Variants in PRDM7 observed in about 807,000 individuals in gnomAD.
PRDM7 encodes the protein PR/SET domain 7, also known as histone-lysine N-methyltransferase PRDM7.
Under a neutral mutation model 64.3 loss-of-function variants are expected in PRDM7, and 52 were observed. The observed-to-expected ratio is 0.81, with a 90% CI of 0.65 to 1.02. The LOEUF is 1.02. Among genes scored for constraint, PRDM7 ranks in the 50% least tolerant of loss-of-function variants. PRDM7 has a pLI of 0.00. For missense variants in PRDM7, 574 were observed against 597.1 expected, an observed-to-expected ratio of 0.96 and a Z score of 0.40; for synonymous variants, 192 against 210.1, an observed-to-expected ratio of 0.91 and a Z score of 0.74.
At chr16:90,061,861 A>T in intron 8 of PRDM7, 60 bp downstream of exon 8, 1 of 1,606,714 alleles carries the variant, frequency 6.2e-7, no homozygotes, top group Non-Finnish European at 8.5e-7. Flanking sequence ...GTGATGTCCC[A>T]TCAAAGGCAC....
chr16:90,065,065 A>G (rs1027180454), intron 5 of PRDM7, among the ~76,000 whole-genome samples: 3 of 150,914 alleles, frequency 2.0e-5, no homozygotes, highest in African/African-American at 4.9e-5. Context: ...AATGTTCACC[A>G]AAGTGTTTTT....
At chr16:90,076,866 G>A (rs1567491309) in intron 1 of PRDM7, among the ~76,000 whole-genome samples, 2 of 152,074 alleles carry the variant, frequency 1.3e-5, no homozygotes, top group East Asian at 1.9e-4. Context: ...TGAAGCTGAC[G>A]GGGTTGAGTT....
chr16:90,071,132 GTGTT>G (rs1276840866), intron 4 of PRDM7, among the ~76,000 whole-genome samples: 3 of 152,080 alleles, frequency 2.0e-5, no homozygotes, highest in Non-Finnish European at 4.4e-5. Flanking sequence ...GGAAATTTAT[GTGTT>G]TGTTTGTTTT....
At position 90,064,724 on chromosome 16, in the gene PRDM7, CT is replaced by C. The variant is rs200484353; in HGVS notation, c.352-957del. ...CCCCCGCACCCAGCCCATGCTAATTCTTTTTTTTTTTTGAGAGGGAGTCTCA... is the reference window on the plus strand; with the variant it reads ...CCCCCGCACCCAGCCCATGCTAATTCTTTTTTTTTTTGAGAGGGAGTCTCA... On this transcript the variant is annotated intron_variant, in intron 5 of 10. Coordinates refer to ENST00000449207, the MANE Select transcript of PRDM7 (RefSeq NM_001098173.2). Among the ~76,000 whole-genome samples the C allele has an allele frequency of 1.2e-3, 164 of 134,202 alleles. 1 individual carries two copies. Among genetic ancestry groups the C allele is most frequent in the Admixed American group, 1.3e-3 (17 of 13,402 alleles). The allele number at this position is 134,202 out of a possible 152,430, so 88.0% of individuals were successfully genotyped here. A position where few individuals can be genotyped will look rare whatever the true frequency, so the allele number is the denominator to read the frequency against.
intron 1 of PRDM7, 100 bp from the exon 2 acceptor site, chr16:90,076,095 G>A: frequency 1.4e-6 from 1 of 695,014 alleles, no homozygotes; most frequent in Non-Finnish European, 2.4e-6. Context: ...AGAGCAGGAA[G>A]ACTGGGTTCC....
At chr16:90,074,068 G>A (rs527761451) in intron 4 of PRDM7, among the ~76,000 whole-genome samples, 1 of 151,816 alleles carries the variant, frequency 6.6e-6, no homozygotes, top group South Asian at 2.1e-4. Flanking sequence ...TTACAGGTGT[G>A]AGCCACCATG....
Position 90,060,518 on chromosome 16 carries a change from T to C in PRDM7, c.1056A>G (p.Glu352=), listed in dbSNP as rs2037756667. ...ACTCATCCCCAGACCAGACCAGCAG[T>C]TCACAGCCTGGCCTAATGACTCGGC... ...RTCRVIRPGC[E]LLVWSGDEYG... is the part of the protein sequence containing the mutation. The change falls in exon 10 of 11, where the codon GAA becomes GAG. Residue 352 remains glutamate (E), a synonymous_variant. Transcript: ENST00000449207. The C allele has an allele frequency of 6.2e-7, 1 of 1,613,694 alleles. No homozygotes were observed. The highest frequency in any genetic ancestry group is 1.3e-5 in the African/African-American group (1 of 74,836).
At chr16:90,074,340 G>A (rs2038004594) in intron 4 of PRDM7, among the ~76,000 whole-genome samples, 1 of 151,570 alleles carries the variant, frequency 6.6e-6, no homozygotes, top group Non-Finnish European at 1.5e-5. Context: ...ATTTTGGGAG[G>A]CCAAGGCAGG....
rs775074021 is a variant in PRDM7 at position 90,058,332 on chromosome 16, G to T, written c.1436C>A (p.Thr479Lys). The T allele has an allele frequency of 1.9e-5, 30 of 1,614,016 alleles. No homozygotes were observed. The highest frequency in any genetic ancestry group is 2.5e-5 in the Non-Finnish European group (30 of 1,180,024). ...GNILIHAAVM[T>K]KPKVKRSKKG... is the part of the protein sequence containing the mutation. ...CTTTGATCTCTTGACCTTTGGTTTT[G>T]TCATTACAGCAGCGTGGATCAGAAT... Residue 479 changes from threonine to lysine, a missense_variant, in exon 11 of 11, where the codon ACA (threonine) becomes AAA (lysine). Thr to Lys is a moderately conservative substitution (Grantham distance 78). Coordinates refer to ENST00000449207, the MANE Select transcript of PRDM7 (RefSeq NM_001098173.2).
rs1161290636 is a variant in PRDM7 at position 90,058,310 on chromosome 16, T to C, written c.1458A>G (p.Ser486=). ...TTATTCAAGAGTTTGGACCTTTCTT[T>C]GATCTCTTGACCTTTGGTTTTGTCA... ...AVMTKPKVKR[S]KKGPNS is the part of the protein sequence containing the mutation. The change falls in exon 11 of 11, where the codon TCA becomes TCG. Residue 486 remains serine, a synonymous_variant. Coordinates refer to ENST00000449207, the MANE Select transcript of PRDM7 (RefSeq NM_001098173.2). 1 of 1,614,232 alleles carries C rather than the reference T, an allele frequency of 6.2e-7. No homozygotes were observed.
At chr16:90,070,105 A>C (rs1191554455) in intron 4 of PRDM7, 1 of 152,660 alleles carries the variant, frequency 6.6e-6, no homozygotes, top group African/African-American at 2.5e-5. Flanking sequence ...AATATCCAGA[A>C]TATATGAAGA....
At position 90,062,447 on chromosome 16, in the gene PRDM7, A is replaced by G. The variant is rs1346351169; in HGVS notation, c.564T>C (p.Gly188=). 2 of 1,613,912 alleles carry G rather than the reference A, an allele frequency of 1.2e-6. No individual in the cohort carries two copies. Among genetic ancestry groups the G allele is most frequent in the Admixed American group, 3.3e-5 (2 of 59,998 alleles). ...GCTCGCTGATCTCTTTGTATGCATG[A>G]CCCTTTCTTTCTCGCAGGCTATACA... ...GKMYSLRERK[G]HAYKEISEPQ... is the part of the protein sequence containing the mutation. The change falls in exon 7 of 11, where the codon GGT becomes GGC. Residue 188 remains glycine, a synonymous_variant. Coordinates refer to ENST00000449207, the MANE Select transcript of PRDM7 (RefSeq NM_001098173.2).
At chr16:90,076,093 A>AACCC in intron 1 of PRDM7, 98 bp from the exon 2 acceptor site, 1 of 699,524 alleles carries the variant, frequency 1.4e-6, no homozygotes. Flanking sequence ...TCAGAGCAGG[A>AACCC]AGACTGGGTT....
intron 4 of PRDM7, among the ~76,000 whole-genome samples, chr16:90,072,406 GA>G (rs1218047233): frequency 1.4e-4 from 21 of 152,150 alleles, no homozygotes; most frequent in African/African-American, 4.8e-4. Context: ...CCTTAAAAAA[GA>G]AGAAAATCTT....
At position 90,066,863 on chromosome 16, in the gene PRDM7, T is replaced by G; in HGVS notation, c.349A>C (p.Lys117Gln). Residue 117 changes from lysine (K) to glutamine (Q), a missense_variant and splice_region_variant, in exon 5 of 11, where the codon AAG becomes CAG. Transcript: ENST00000449207. The part of the protein sequence containing the change: ...AFRGEQSKHQ[K>Q]GMPKASFNNE... ...AACAGGATTTGGGAGATACTTACCT[T>G]CTGGTGTTTACTCTGTTCTCCTCTG... The G allele has an allele frequency of 6.3e-7, 1 of 1,589,568 alleles. No individual in the cohort carries two copies. The highest frequency in any genetic ancestry group is 1.7e-5 in the Admixed American group (1 of 59,786).
At chr16:90,065,409 A>G (rs2037857196) in intron 5 of PRDM7, among the ~76,000 whole-genome samples, 1 of 148,194 alleles carries the variant, frequency 6.7e-6, no homozygotes, top group Non-Finnish European at 1.5e-5. Flanking sequence ...AAAAAAAAAA[A>G]AAGAAAGAAA....
intron 5 of PRDM7, 25 bp from the exon 6 acceptor site, chr16:90,063,793 A>T: frequency 6.2e-7 from 1 of 1,612,850 alleles, no homozygotes; most frequent in South Asian, 1.1e-5. Flanking sequence ...TCACATATTA[A>T]AAGACAACGT....
chr16:90,057,916 GC>G lies in PRDM7; in HGVS notation c.*372del, dbSNP rs1395843516. 1.7e-5 allele frequency: 26 copies of G among 1,572,098 alleles called. No individual in the cohort carries two copies. In the Admixed American group the frequency reaches 4.1e-4, roughly 25 times the overall value. On this transcript the variant is annotated 3_prime_UTR_variant, in exon 11 of 11. Coordinates refer to ENST00000449207, the MANE Select transcript of PRDM7 (RefSeq NM_001098173.2). ...TGAGGAGGACTGACTTCCGGCTAAA[GC>G]CCCGCTCACACTCTCTGCAGACATA...
chr16:90,063,525 C>A (rs2037817976), intron 6 of PRDM7, 87 bp downstream of exon 6: 1 of 1,485,852 alleles, frequency 6.7e-7, no homozygotes, highest in Non-Finnish European at 9.3e-7. Context: ...CAGGCCTATC[C>A]AAAGTCCACC....
Sources: gnomAD v4.1 joint callset for allele counts (sites outside exome capture counted in the v4.1 genomes callset) on GRCh38, gnomAD v4.1.1 for gene constraint, MANE v1.5 for transcripts, NCBI Gene and HGNC (gene_info 2026-07-23, HGNC 2026-07-21) for gene names.